CAT: variants seen among roughly 807,000 people sequenced by gnomAD.
CAT encodes epididymis secretory sperm binding protein.
A neutral mutation model predicts 59.0 loss-of-function variants in CAT; 43 were observed. The ratio of observed to expected loss-of-function variants is 0.73; its 90% CI spans 0.57 to 0.94. The LOEUF is 0.94. Among genes scored for constraint, CAT ranks in the 40% least tolerant of loss-of-function variants. CAT has a pLI of 0.00. For synonymous variants in CAT, 218 were observed against 230.9 expected, an observed-to-expected ratio of 0.94 and a Z score of 0.51; for missense variants, 664 against 682.9, an observed-to-expected ratio of 0.97 and a Z score of 0.31.
At chr11:34,466,780 C>CAAAAAAAAAA (rs71457350) in intron 10 of CAT, among the ~76,000 whole-genome samples, 85 of 40,964 alleles carry the variant, frequency 2.1e-3, no homozygotes, top group Non-Finnish European at 3.1e-3. Context: ...GACTCCGTCT[C>CAAAAAAAAAA]AAAAAAAAAA....
At chr11:34,455,123 A>AT (rs1856574296) in intron 6 of CAT, among the ~76,000 whole-genome samples, 1 of 152,226 alleles carries the variant, frequency 6.6e-6, no homozygotes, top group Non-Finnish European at 1.5e-5. Flanking sequence ...TACTTAATAT[A>AT]TTAGCTCTTT....
At chr11:34,446,859 A>G (rs762528477) in intron 1 of CAT, among the ~76,000 whole-genome samples, 2 of 151,736 alleles carry the variant, frequency 1.3e-5, no homozygotes, top group Non-Finnish European at 2.9e-5. Context: ...CTCCTGCCTC[A>G]GCCTCCCGAG....
chr11:34,449,263 C>T lies in CAT; in HGVS notation c.138C>T (p.Pro46=), dbSNP rs145867872. Residue 46 remains proline (P), a synonymous_variant, in exon 2 of 13, where the codon CCC becomes CCT. Coordinates refer to ENST00000241052, the MANE Select transcript of CAT (RefSeq NM_001752.4). ...AACTTAATGTTATTACAGTAGGGCC[C>T]CGTGGGCCCCTTCTTGTTCAGGATG... ...GDKLNVITVG[P]RGPLLVQDVV... 2 of 1,613,732 alleles carry T rather than the reference C, an allele frequency of 1.2e-6. No homozygotes were observed. The highest frequency in any genetic ancestry group is 2.7e-5 in the African/African-American group (2 of 74,892).
intron 10 of CAT, among the ~76,000 whole-genome samples, chr11:34,466,162 C>G (rs1856712677): frequency 1.3e-5 from 2 of 152,196 alleles, no homozygotes; most frequent in African/African-American, 4.8e-5. Context: ...AATAAACTTG[C>G]TTTCACAATA....
Position 34,452,085 on chromosome 11 carries a change from T to C in CAT, c.358T>C (p.Ser120Pro). The C allele has an allele frequency of 6.2e-7, 1 of 1,613,926 alleles. No individual in the cohort carries two copies. Residue 120 changes from serine to proline, a missense_variant, in exon 4 of 13, where the codon TCG becomes CCG. By Grantham distance (74) the Ser-to-Pro change is moderately conservative. Coordinates refer to ENST00000241052, the MANE Select transcript of CAT (RefSeq NM_001752.4). ...AVRFSTVAGE[S>P]GSADTVRDPR... The stretch of plus-strand genomic sequence containing the variant: ...CCATTTGAATATTGTAGCTGGAGAA[T>C]CGGGTTCAGCTGACACAGTTCGGGA...
chr11:34,471,119 A>G, intron 12 of CAT, 78 bp downstream of exon 12: 4 of 1,226,832 alleles, frequency 3.3e-6, no homozygotes, highest in Non-Finnish European at 3.6e-6. Context: ...ACCACTTAGC[A>G]TTACAGTCTG....
At chr11:34,462,552 T>C (rs919353638) in intron 9 of CAT, among the ~76,000 whole-genome samples, 8 of 152,092 alleles carry the variant, frequency 5.3e-5, no homozygotes, top group Admixed American at 1.3e-4. Context: ...GCCTCCCGAG[T>C]AGCTGGAAGT....
intron 9 of CAT, among the ~76,000 whole-genome samples, chr11:34,462,212 CTG>C (rs1856660159): frequency 6.6e-6 from 1 of 152,010 alleles, no homozygotes; most frequent in South Asian, 2.1e-4. Flanking sequence ...GTAATATAGA[CTG>C]CATGCATTGA....
Position 34,457,204 on chromosome 11 carries a change from CTTTTTTTTTTTTT to C in CAT, c.1056+401_1056+413del, listed in dbSNP as rs899442681. ...GTAAGCCTAACTTTATTTTCTTGTT[CTTTTTTTTTTTTT>C]TTTTTTTTTTTTTGTGACAGAGTCT... is the stretch of plus-strand genomic sequence containing the variant. On this transcript the variant is annotated intron_variant, in intron 8 of 12. Transcript: ENST00000241052. 8.3e-3 allele frequency among the ~76,000 whole-genome samples: 548 copies of C among 66,176 alleles called. 1 individual carries two copies. The highest frequency in any genetic ancestry group is 0.03 in the African/African-American group (500 of 16,638). 43.4% of individuals were successfully genotyped at this position (66,176 alleles called of 152,430 possible).
At position 34,464,187 on chromosome 11, in the gene CAT, TGGAGAA is replaced by T; in HGVS notation, c.1280_1285del (p.Gly427_Glu428del). 1 of 1,614,068 alleles carries T rather than the reference TGGAGAA, an allele frequency of 6.2e-7. No homozygotes were observed. The highest frequency in any genetic ancestry group is 8.5e-7 in the Non-Finnish European group (1 of 1,179,882). On this transcript the variant is annotated inframe_deletion, in exon 10 of 13. Coordinates refer to ENST00000241052, the MANE Select transcript of CAT (RefSeq NM_001752.4). ...CCCTGGAGCACAGCATCCAATATTCTGGAGAAGTGCGGAGATTCAACACTGCCAATG... is the reference window on the plus strand; with the variant it reads ...CCCTGGAGCACAGCATCCAATATTCTGTGCGGAGATTCAACACTGCCAATG...
rs766378972 is a variant in CAT, at chr11:34,468,367, A to T, written c.1406A>T (p.Asp469Val). ...GAGAACATTGCCGGCCACCTGAAGGATGCACAAATTTTCATCCAGAAGAAA... is the reference window on the plus strand; with the variant it reads ...GAGAACATTGCCGGCCACCTGAAGGTTGCACAAATTTTCATCCAGAAGAAA... Reference protein sequence around the residue: ...LCENIAGHLKDAQIFIQKKAV... With the variant: ...LCENIAGHLKVAQIFIQKKAV... The change falls in exon 11 of 13, where the codon GAT (aspartate) becomes GTT (valine). Residue 469 changes from aspartate (D) to valine (V), a missense_variant. Transcript: ENST00000241052. 6 of 1,613,958 alleles carry T rather than the reference A, an allele frequency of 3.7e-6. No individual in the cohort carries two copies. The African/African-American group carries it at 5.3e-5, about 14-fold the overall frequency.
In CAT at chr11:34,450,997, G is replaced by C; in HGVS notation, c.248G>C (p.Gly83Ala). Residue 83 changes from glycine (G) to alanine (A), a missense_variant, in exon 3 of 13, where the codon GGC (glycine) becomes GCC (alanine). By Grantham distance (60) the Gly-to-Ala change is moderately conservative. Coordinates refer to ENST00000241052, the MANE Select transcript of CAT (RefSeq NM_001752.4). ...GTGTCTTTCTCGTTAGGGGCCTTTGGCTACTTTGAGGTCACACATGACATT... is the reference window on the plus strand; with the variant it reads ...GTGTCTTTCTCGTTAGGGGCCTTTGCCTACTTTGAGGTCACACATGACATT... ...VVHAKGAGAFGYFEVTHDITK... is the reference protein window; with the variant it reads ...VVHAKGAGAFAYFEVTHDITK... 6.2e-7 allele frequency: 1 copy of C among 1,610,434 alleles called. No homozygotes were observed. The highest frequency in any genetic ancestry group is 1.1e-5 in the South Asian group (1 of 91,028).
intron 9 of CAT, among the ~76,000 whole-genome samples, chr11:34,463,444 A>G (rs1433571312): frequency 6.6e-6 from 1 of 152,160 alleles, no homozygotes; most frequent in African/African-American, 2.4e-5. Context: ...AAGGAGAGAT[A>G]CCCTGAGAAT....
intron 9 of CAT, among the ~76,000 whole-genome samples, chr11:34,462,581 G>A (rs540641385): frequency 3.3e-5 from 5 of 152,100 alleles, no homozygotes; most frequent in South Asian, 2.1e-4. Context: ...GTGCCACCAC[G>A]CCAGCTAATT....
rs571955704 is a variant in CAT, at chr11:34,455,881, T to C, written c.712-130T>C. 1.3e-4 allele frequency: 94 copies of C among 718,168 alleles called. No individual in the cohort carries two copies. The South Asian group carries it at 1.5e-3, about 11-fold the overall frequency. 44.5% of individuals were successfully genotyped at this position (718,168 alleles called of 1,614,324 possible). On this transcript the variant is annotated intron_variant, in intron 6 of 12. Transcript: ENST00000241052. ...ATTCATTAGTATCAGATTTGAACAA[T>C]AGAAGTATTGTTGTAAAGAAAGTTC...
rs1354655987 is a variant in CAT, at chr11:34,452,162, C to T, written c.435C>T (p.Leu145=). The change falls in exon 4 of 13, where the codon CTC becomes CTT. Residue 145 remains leucine (L), a synonymous_variant. Coordinates refer to ENST00000241052, the MANE Select transcript of CAT (RefSeq NM_001752.4). ...ACACAGAAGATGGTAACTGGGATCT[C>T]GTTGGAAATAACACCCCCATTTTCT... ...KFYTEDGNWD[L]VGNNTPIFFI... 9 of 1,613,480 alleles carry T rather than the reference C, an allele frequency of 5.6e-6. No individual in the cohort carries two copies. In the East Asian group the frequency reaches 6.7e-5, roughly 12 times the overall value.
chr11:34,450,665 T>C (rs1363561847), intron 2 of CAT, among the ~76,000 whole-genome samples: 1 of 152,234 alleles, frequency 6.6e-6, no homozygotes, highest in Non-Finnish European at 1.5e-5. Flanking sequence ...TGTTCTTCAC[T>C]TTCTCTCATA....
chr11:34,464,257 C>A lies in CAT; in HGVS notation c.1326+22C>A, dbSNP rs1856687980. 3.1e-6 allele frequency: 5 copies of A among 1,610,196 alleles called. No homozygotes were observed. In the East Asian group the frequency reaches 8.9e-5, roughly 29 times the overall value. On this transcript the variant is annotated intron_variant, in intron 10 of 12. Coordinates refer to ENST00000241052, the MANE Select transcript of CAT (RefSeq NM_001752.4). ...TCAGGTAATGACTTCTCTTTATCTG[C>A]TATGGAAGTCACCTGCTAATTCTCC...
chr11:34,470,781 T>G, intron 11 of CAT, 177 bp from the exon 12 acceptor site: 1 of 701,768 alleles, frequency 1.4e-6, no homozygotes, highest in Non-Finnish European at 2.6e-6. Flanking sequence ...TATGTCAGAG[T>G]GTTCACTGGA....
Sources: gnomAD v4.1 joint callset for allele counts (sites outside exome capture counted in the v4.1 genomes callset) on GRCh38, gnomAD v4.1.1 for gene constraint, MANE v1.5 for transcripts, NCBI Gene and HGNC (gene_info 2026-07-23, HGNC 2026-07-21) for gene names.